The following DCC variants were observed in gnomAD, a reference collection of about 807,000 sequenced individuals.
DCC encodes netrin receptor DCC.
In DCC, 58 loss-of-function variants were observed where a neutral mutation model predicts 172.5. The observed-to-expected ratio is 0.34, with a 90% CI of 0.27 to 0.42. DCC has a LOEUF of 0.42. Ranked by LOEUF, DCC falls within the 10% of genes least tolerant of loss-of-function variation. DCC has a pLI of 1.00. For missense variants in DCC, 1,740 were observed against 1,791.0 expected (o/e 0.97, Z 0.51); for synonymous variants, 709 against 644.5 (o/e 1.10, Z -1.52).
chr18:52,897,804 AC>A (rs1046936039), intron 2 of DCC, among the ~76,000 whole-genome samples: 5 of 152,112 alleles, frequency 3.3e-5, no homozygotes, highest in Non-Finnish European at 7.4e-5. Context: ...TCAGCCAACC[AC>A]CTGGGAGTCT....
intron 1 of DCC, among the ~76,000 whole-genome samples, chr18:52,624,698 A>G (rs1275489550): frequency 6.6e-6 from 1 of 152,164 alleles, no homozygotes; most frequent in Non-Finnish European, 1.5e-5. Flanking sequence ...ACCTTGGAAA[A>G]CTGACTCAAT....
chr18:53,487,066 A>G (rs905152051), intron 26 of DCC, 108 bp downstream of exon 26: 27 of 1,397,540 alleles, frequency 1.9e-5, no homozygotes, highest in African/African-American at 1.7e-4. Context: ...TGATTTCCCT[A>G]TGACTGTGGT....
At chr18:53,134,793 G>T (rs2043715323) in intron 7 of DCC, among the ~76,000 whole-genome samples, 1 of 152,154 alleles carries the variant, frequency 6.6e-6, no homozygotes, top group African/African-American at 2.4e-5. Context: ...CATTAAACCT[G>T]TGGCTAGAGG....
chr18:53,157,516 G>A lies in DCC; in HGVS notation c.1418+4G>A. On this transcript the variant is annotated splice_donor_region_variant and intron_variant, in intron 8 of 28. Coordinates refer to ENST00000442544, the MANE Select transcript of DCC (RefSeq NM_005215.4). ...TCTCCAGAGAAGGTGACAACAGGTA[G>A]GTGATGCTACCAATAAAATTCAGCT... 1 of 1,613,884 alleles carries A rather than the reference G, an allele frequency of 6.2e-7. No homozygotes were observed. The highest frequency in any genetic ancestry group is 8.5e-7 in the Non-Finnish European group (1 of 1,179,928).
At chr18:52,646,740 G>A (rs2035026898) in intron 1 of DCC, among the ~76,000 whole-genome samples, 1 of 152,188 alleles carries the variant, frequency 6.6e-6, no homozygotes, top group African/African-American at 2.4e-5. Flanking sequence ...CTGTTTCTGT[G>A]GAGAAGGGGT....
intron 7 of DCC, among the ~76,000 whole-genome samples, chr18:53,109,009 A>G (rs1272148580): frequency 6.6e-6 from 1 of 150,882 alleles, no homozygotes; most frequent in Non-Finnish European, 1.5e-5. Flanking sequence ...GGTTATATCA[A>G]TTTATATTTT....
intron 2 of DCC, among the ~76,000 whole-genome samples, chr18:52,809,931 G>A (rs2038162176): frequency 6.6e-6 from 1 of 152,006 alleles, no homozygotes; most frequent in Non-Finnish European, 1.5e-5. Context: ...TACCTGATTG[G>A]TTGGGTGTGA....
chr18:52,828,952 T>C (rs1432128356), intron 2 of DCC, among the ~76,000 whole-genome samples: 3 of 152,252 alleles, frequency 2.0e-5, no homozygotes, highest in African/African-American at 7.2e-5. Context: ...TTTAAGATGA[T>C]GACAGTTTTG....
intron 1 of DCC, among the ~76,000 whole-genome samples, chr18:52,648,683 T>C (rs1036638550): frequency 6.6e-6 from 1 of 152,210 alleles, no homozygotes; most frequent in Non-Finnish European, 1.5e-5. Context: ...CGAGGTCTAT[T>C]ATTACTTTTA....
At chr18:53,399,559 C>T (rs1163913999) in intron 18 of DCC, among the ~76,000 whole-genome samples, 3 of 152,082 alleles carry the variant, frequency 2.0e-5, no homozygotes. Flanking sequence ...TGTTACCTTC[C>T]ATTCATGTAC....
At chr18:53,477,417 T>A (rs959261976) in intron 25 of DCC, among the ~76,000 whole-genome samples, 4 of 152,214 alleles carry the variant, frequency 2.6e-5, no homozygotes, top group Non-Finnish European at 5.9e-5. Flanking sequence ...TTGGCAGAGT[T>A]ATGATTTTAT....
chr18:52,875,030 T>A (rs961526988), intron 2 of DCC, among the ~76,000 whole-genome samples: 13 of 152,104 alleles, frequency 8.5e-5, no homozygotes, highest in Non-Finnish European at 2.9e-5. Context: ...GAATATTGCC[T>A]TCTGGGGTGT....
At chr18:52,933,828 G>A (rs2040343677) in intron 5 of DCC, among the ~76,000 whole-genome samples, 1 of 152,040 alleles carries the variant, frequency 6.6e-6, no homozygotes, top group South Asian at 2.1e-4. Context: ...ACATCACCTG[G>A]ATAGTGTACA....
chr18:52,465,433 C>T (rs1259702050), intron 1 of DCC, among the ~76,000 whole-genome samples: 1 of 152,122 alleles, frequency 6.6e-6, no homozygotes, highest in East Asian at 1.9e-4. Context: ...AGTGTCACAG[C>T]AAGTGTGCTC....
intron 1 of DCC, among the ~76,000 whole-genome samples, chr18:52,527,499 T>C (rs2032018337): frequency 6.6e-6 from 1 of 152,216 alleles, no homozygotes; most frequent in African/African-American, 2.4e-5. Context: ...GATTTTTTCC[T>C]CAGTTGTTTA....
chr18:52,737,359 T>A (rs186709662), intron 1 of DCC, among the ~76,000 whole-genome samples: 1 of 152,048 alleles, frequency 6.6e-6, no homozygotes, highest in Non-Finnish European at 1.5e-5. Context: ...TTAAAGCCAA[T>A]GAAAAAAACT....
chr18:53,065,911 G>A (rs2042559219), intron 6 of DCC, 135 bp from the exon 7 acceptor site: 1 of 1,020,194 alleles, frequency 9.8e-7, no homozygotes, highest in Admixed American at 1.8e-5. Flanking sequence ...ACGTCTGCGA[G>A]GCTGAGACCC....
chr18:53,058,261 G>T (rs1342569579), intron 5 of DCC, among the ~76,000 whole-genome samples: 1 of 152,050 alleles, frequency 6.6e-6, no homozygotes, highest in African/African-American at 2.4e-5. Context: ...TAGATTAAAT[G>T]ATTTCTACAG....
intron 1 of DCC, among the ~76,000 whole-genome samples, chr18:52,627,057 T>A (rs749582309): frequency 1.3e-5 from 2 of 152,164 alleles, no homozygotes; most frequent in South Asian, 2.1e-4. Context: ...ATTTCAGGGT[T>A]ATGATCTTGT....
Sources: gnomAD v4.1 joint callset for allele counts (sites outside exome capture counted in the v4.1 genomes callset) on GRCh38, gnomAD v4.1.1 for gene constraint, MANE v1.5 for transcripts, NCBI Gene and HGNC (gene_info 2026-07-23, HGNC 2026-07-21) for gene names.